The following MS4A3 variants were observed in gnomAD, a reference collection of about 807,000 sequenced individuals.
MS4A3 encodes the protein membrane-spanning 4-domains subfamily A member 3.
Under a neutral mutation model 24.7 loss-of-function variants are expected in MS4A3, and 18 were observed. The ratio of observed to expected loss-of-function variants is 0.73; its 90% CI spans 0.50 to 1.08. The LOEUF is 1.08. Among genes scored for constraint, MS4A3 ranks in the 50% least tolerant of loss-of-function variants. The pLI, the probability that MS4A3 is intolerant of heterozygous loss-of-function variation, is 0.00. For missense variants in MS4A3, 282 were observed against 251.7 expected (o/e 1.12, Z -0.82); for synonymous variants, 84 against 95.3 (o/e 0.88, Z 0.69).
rs1441789418 is a variant in MS4A3, at chr11:60,061,284, G to C, written c.124G>C (p.Asp42His). ...SVYQPIDGSP[D>H]YQKAKLQVLG... ...CTACCAGCCCATAGATGGATCACCA[G>C]ATTATCAGAAAGCAAAATTACAAGT... The change falls in exon 2 of 7, where the codon GAT becomes CAT. Residue 42 changes from aspartate to histidine, a missense_variant. By Grantham distance (81) the Asp-to-His change is moderately conservative. Coordinates refer to ENST00000278865, the MANE Select transcript of MS4A3 (RefSeq NM_006138.5). 6.2e-7 allele frequency: 1 copy of C among 1,611,396 alleles called. No individual in the cohort carries two copies. The highest frequency in any genetic ancestry group is 1.1e-5 in the South Asian group (1 of 90,392).
Position 60,062,508 on chromosome 11 carries a change from G to A in MS4A3, c.197G>A (p.Gly66Asp), listed in dbSNP as rs368226895. ...ILNAAMILAL[G>D]VFLGSLQYPY... ...AATGCAGCAATGATTCTGGCTTTGG[G>A]TGTCTTTCTGGGTTCCTTGCAATAC... The change falls in exon 3 of 7, where the codon GGT becomes GAT. Residue 66 changes from glycine to aspartate, a missense_variant. Gly to Asp is a moderately conservative substitution (Grantham distance 94). Coordinates refer to ENST00000278865, the MANE Select transcript of MS4A3 (RefSeq NM_006138.5). 16 of 1,613,874 alleles carry A rather than the reference G, an allele frequency of 9.9e-6. No individual in the cohort carries two copies. In the African/African-American group the frequency reaches 2.0e-4, roughly 20 times the overall value.
At chr11:60,061,573 T>C (rs960050885) in intron 2 of MS4A3, 23 of 502,114 alleles carry the variant, frequency 4.6e-5, no homozygotes, top group Admixed American at 8.3e-5. Context: ...ATTTTCTCTT[T>C]CTTATGATTT....
At chr11:60,065,105 C>G (rs1463860963) in intron 4 of MS4A3, among the ~76,000 whole-genome samples, 1 of 152,060 alleles carries the variant, frequency 6.6e-6, no homozygotes, top group Non-Finnish European at 1.5e-5. Context: ...GTGGTGTGGT[C>G]ACAGCTCACT....
At chr11:60,066,485 G>T (rs562699593) in intron 4 of MS4A3, among the ~76,000 whole-genome samples, 1 of 151,892 alleles carries the variant, frequency 6.6e-6, no homozygotes, top group Non-Finnish European at 1.5e-5. Flanking sequence ...TGCCTCCAAC[G>T]CCCTTGACCC....
At chr11:60,068,779 G>A (rs1855421001) in intron 5 of MS4A3, among the ~76,000 whole-genome samples, 1 of 152,022 alleles carries the variant, frequency 6.6e-6, no homozygotes, top group Non-Finnish European at 1.5e-5. Context: ...ATGTATACAT[G>A]TGTCGTGTTT....
intron 1 of MS4A3, among the ~76,000 whole-genome samples, chr11:60,057,198 A>G (rs1855184234): frequency 6.6e-6 from 1 of 152,146 alleles, no homozygotes; most frequent in South Asian, 2.1e-4. Context: ...TGGGAAAGCT[A>G]CTTAACTTCT....
intron 4 of MS4A3, 98 bp from the exon 5 acceptor site, chr11:60,066,853 G>T: frequency 2.0e-6 from 2 of 995,460 alleles, no homozygotes; most frequent in Non-Finnish European, 2.8e-6. Flanking sequence ...CAGTGGGTGT[G>T]TAAACAATAT....
At position 60,059,299 on chromosome 11, in the gene MS4A3, G is replaced by A. The variant is rs188890910; in HGVS notation, c.-15-1847G>A. ...AAGGTAAACATCCTGAAAGTGGCGT[G>A]TATTTAGCTTGACAAAAAATTAAGT... On this transcript the variant is annotated intron_variant, in intron 1 of 6. Transcript: ENST00000278865. Among the ~76,000 whole-genome samples, 363 of 151,936 alleles carry A rather than the reference G, an allele frequency of 2.4e-3. 2 individuals carry two copies. The highest frequency in any genetic ancestry group is 8.0e-3 in the African/African-American group (331 of 41,416).
rs769104397 is a variant in MS4A3, at chr11:60,067,079, G to A, written c.480G>A (p.Pro160=). ...LRSCHSSSES[P]DLCNYMGSIS... ...GTTGTCACTCTTCATCAGAGTCACC[G>A]GACCTATGCAATTACATGGGCTCCA... is the stretch of plus-strand genomic sequence containing the variant. The change falls in exon 5 of 7, where the codon CCG becomes CCA. Residue 160 remains proline (P), a synonymous_variant. Coordinates refer to ENST00000278865, the MANE Select transcript of MS4A3 (RefSeq NM_006138.5). 23 of 1,609,632 alleles carry A rather than the reference G, an allele frequency of 1.4e-5. No individual in the cohort carries two copies. Among genetic ancestry groups the A allele is most frequent in the Admixed American group, 3.4e-5 (2 of 58,584 alleles).
chr11:60,067,210 ATCT>A lies in MS4A3; in HGVS notation c.513+100_513+102del. 1.2e-5 allele frequency: 10 copies of A among 836,034 alleles called. No individual in the cohort carries two copies. The African/African-American group carries it at 1.5e-4, about 13-fold the overall frequency. 51.8% of individuals were successfully genotyped at this position (836,034 alleles called of 1,614,324 possible). A position where few individuals can be genotyped will look rare whatever the true frequency, so the allele number is the denominator to read the frequency against. The stretch of plus-strand genomic sequence containing the variant: ...CAGGTACCAATGTGCCATAATTTGA[ATCT>A]TTTTTTTTTTTTTTTTTGAGACGGA... On this transcript the variant is annotated intron_variant, in intron 5 of 6. Coordinates refer to ENST00000278865, the MANE Select transcript of MS4A3 (RefSeq NM_006138.5).
Position 60,066,857 on chromosome 11 carries a change from A to G in MS4A3, c.352-94A>G, listed in dbSNP as rs1267173325. The G allele has an allele frequency of 3.8e-6, 4 of 1,045,548 alleles. No individual in the cohort carries two copies. The African/African-American group carries it at 4.9e-5, about 13-fold the overall frequency. 64.8% of individuals were successfully genotyped at this position (1,045,548 alleles called of 1,614,324 possible). ...ATCTAGGATATCAGTGGGTGTGTAA[A>G]CAATATTCAATCAATGTTTGTTTCA... On this transcript the variant is annotated intron_variant, in intron 4 of 6. Coordinates refer to ENST00000278865, the MANE Select transcript of MS4A3 (RefSeq NM_006138.5).
rs144933139 is a variant in MS4A3 at position 60,068,511 on chromosome 11, C to G, written c.514-1063C>G. On this transcript the variant is annotated intron_variant, in intron 5 of 6. Transcript: ENST00000278865. ...TCGTGATCCGCCCGCCTCTGCCTCC[C>G]AAAGTGCTGGGATTACAGGCATGAG... Among the ~76,000 whole-genome samples, 1,507 of 151,830 alleles carry G rather than the reference C, an allele frequency of 9.9e-3. 20 individuals carry two copies. Among genetic ancestry groups the G allele is most frequent in the African/African-American group, 0.033 (1,384 of 41,380 alleles).
chr11:60,057,029 C>G (rs1855180692), intron 1 of MS4A3, among the ~76,000 whole-genome samples: 1 of 152,130 alleles, frequency 6.6e-6, no homozygotes, highest in Non-Finnish European at 1.5e-5. Flanking sequence ...CTGGCTGCAC[C>G]TGAGTTTGTC....
At chr11:60,058,143 G>T (rs2134654395) in intron 1 of MS4A3, among the ~76,000 whole-genome samples, 1 of 152,148 alleles carries the variant, frequency 6.6e-6, no homozygotes, top group African/African-American at 2.4e-5. Context: ...AACCCAAAGG[G>T]GTGCATGCTT....
intron 4 of MS4A3, among the ~76,000 whole-genome samples, chr11:60,065,147 C>T (rs1855339028): frequency 6.6e-6 from 1 of 152,104 alleles, no homozygotes. Flanking sequence ...TCATGCAATC[C>T]TCCCACCTCA....
chr11:60,067,357 G>T (rs1049177696), intron 5 of MS4A3, among the ~76,000 whole-genome samples: 1 of 151,966 alleles, frequency 6.6e-6, no homozygotes, highest in Non-Finnish European at 1.5e-5. Context: ...GGGACTACAG[G>T]CGGCCACCAC....
At position 60,070,832 on chromosome 11, in the gene MS4A3, G is replaced by A. The variant is rs1855464051; in HGVS notation, c.*599G>A. On this transcript the variant is annotated 3_prime_UTR_variant, in exon 7 of 7. Transcript: ENST00000278865. Reference sequence around the variant, plus strand: ...CTGGAACTCACACATGCCCTGATATGTAAATGATGATTTATGTTGGCGAGT... The same window carrying A: ...CTGGAACTCACACATGCCCTGATATATAAATGATGATTTATGTTGGCGAGT... The A allele has an allele frequency of 6.6e-6, 1 of 152,290 alleles. No individual in the cohort carries two copies. The highest frequency in any genetic ancestry group is 2.4e-5 in the African/African-American group (1 of 41,438). 9.4% of individuals were successfully genotyped at this position (152,290 alleles called of 1,614,324 possible).
intron 2 of MS4A3, chr11:60,061,615 T>C (rs1284043823): frequency 5.3e-6 from 2 of 374,856 alleles, no homozygotes; most frequent in Non-Finnish European, 1.0e-5. Context: ...TAGCTTATTG[T>C]ATATAATATG....
At chr11:60,058,934 A>G (rs1460990733) in intron 1 of MS4A3, among the ~76,000 whole-genome samples, 2 of 152,098 alleles carry the variant, frequency 1.3e-5, no homozygotes, top group Admixed American at 1.3e-4. Context: ...AGCTTTATTG[A>G]TCTTCCCTCG....
Sources: allele counts gnomAD v4.1 joint callset (sites outside exome capture counted in the v4.1 genomes callset), GRCh38; gene constraint gnomAD v4.1.1; transcripts MANE v1.5; gene names NCBI Gene and HGNC (gene_info 2026-07-23, HGNC 2026-07-21).